SH3RF3: variants seen among roughly 807,000 people sequenced by gnomAD.
SH3RF3 encodes the protein SH3 domain containing ring finger 3.
SH3RF3 carries 29 observed loss-of-function variants against 66.3 expected under a neutral mutation model. The ratio of observed to expected loss-of-function variants is 0.44; its 90% CI spans 0.33 to 0.60. SH3RF3 has a LOEUF of 0.60. SH3RF3 is among the 20% of genes least tolerant of loss of function. The pLI, the probability that SH3RF3 is intolerant of heterozygous loss-of-function variation, is 0.04. For synonymous variants in SH3RF3, 583 were observed against 532.0 expected (o/e 1.10, Z -1.32); for missense variants, 1,194 against 1,190.9 (o/e 1.00, Z -0.04).
chr2:109,269,923 C>T (rs772041569), intron 1 of SH3RF3, among the ~76,000 whole-genome samples: 11 of 152,228 alleles, frequency 7.2e-5, no homozygotes, highest in African/African-American at 2.7e-4. Flanking sequence ...GAAAGCAAAA[C>T]GTAACTACTA....
At chr2:109,334,233 C>T (rs746711981) in intron 1 of SH3RF3, among the ~76,000 whole-genome samples, 1 of 151,890 alleles carries the variant, frequency 6.6e-6, no homozygotes, top group Non-Finnish European at 1.5e-5. Context: ...TGGCATGCAC[C>T]TGTAGTCTCA....
Position 109,336,106 on chromosome 2 carries a change from A to T in SH3RF3, c.574-11568A>T, listed in dbSNP as rs150625259. 5.7e-3 allele frequency among the ~76,000 whole-genome samples: 863 copies of T among 152,296 alleles called. 9 individuals are homozygous for T. Among genetic ancestry groups the T allele is most frequent in the African/African-American group, 0.02 (825 of 41,550 alleles). The stretch of plus-strand genomic sequence containing the variant: ...TTCAGGCAGGCCTAGTAAGCTCTTT[A>T]ATATTTTAGGAAGTTCAAAAATATT... On this transcript the variant is annotated intron_variant, in intron 1 of 9. Transcript: ENST00000309415.
intron 8 of SH3RF3, among the ~76,000 whole-genome samples, chr2:109,489,059 T>G (rs1284403291): frequency 5.9e-5 from 9 of 152,100 alleles, no homozygotes; most frequent in Non-Finnish European, 1.3e-4. Flanking sequence ...GGAAACACAT[T>G]GAGAAAAGTG....
At chr2:109,280,217 G>C (rs948579623) in intron 1 of SH3RF3, among the ~76,000 whole-genome samples, 25 of 152,340 alleles carry the variant, frequency 1.6e-4, no homozygotes, top group East Asian at 1.2e-3. Flanking sequence ...GTGGCACACA[G>C]AACACCTGGC....
intron 2 of SH3RF3, among the ~76,000 whole-genome samples, chr2:109,360,567 GA>G (rs1683033618): frequency 1.3e-5 from 2 of 152,260 alleles, no homozygotes; most frequent in South Asian, 4.1e-4. Context: ...TCCAAAATCT[GA>G]AAACATCTGA....
intron 8 of SH3RF3, among the ~76,000 whole-genome samples, chr2:109,463,465 C>T (rs776863522): frequency 6.6e-6 from 1 of 152,222 alleles, no homozygotes; most frequent in Non-Finnish European, 1.5e-5. Context: ...AGAAGTGTGA[C>T]TCCAGAGCTT....
intron 3 of SH3RF3, among the ~76,000 whole-genome samples, chr2:109,375,988 C>A (rs1200920003): frequency 6.6e-6 from 1 of 152,250 alleles, no homozygotes; most frequent in Admixed American, 6.5e-5. Context: ...CTCAGTTTCC[C>A]CCTTCAAACA....
At chr2:109,280,543 A>T (rs1165426755) in intron 1 of SH3RF3, among the ~76,000 whole-genome samples, 4 of 152,208 alleles carry the variant, frequency 2.6e-5, no homozygotes, top group African/African-American at 9.6e-5. Context: ...CAGTCCTAGC[A>T]GTCATTGAAA....
chr2:109,345,631 G>A (rs1322819258), intron 1 of SH3RF3, among the ~76,000 whole-genome samples: 1 of 152,086 alleles, frequency 6.6e-6, no homozygotes, highest in Non-Finnish European at 1.5e-5. Context: ...AAAACTGCTC[G>A]CCTTGATGGA....
intron 1 of SH3RF3, among the ~76,000 whole-genome samples, chr2:109,237,133 G>A (rs1679668396): frequency 6.6e-6 from 1 of 152,164 alleles, no homozygotes; most frequent in Non-Finnish European, 1.5e-5. Context: ...GAGGAAAGAT[G>A]TTCACGGAAT....
rs116595587 is a variant in SH3RF3, at chr2:109,227,225, A to T, written c.573+97112A>T. Among the ~76,000 whole-genome samples, 1,471 of 152,278 alleles carry T rather than the reference A, an allele frequency of 9.7e-3. 25 individuals are homozygous for T. The highest frequency in any genetic ancestry group is 0.033 in the African/African-American group (1,364 of 41,538). On this transcript the variant is annotated intron_variant, in intron 1 of 9. Coordinates refer to ENST00000309415, the MANE Select transcript of SH3RF3 (RefSeq NM_001099289.3). ...ATTGAGAGGATCCCACCCAGGCCTC[A>T]GGGGCTGAAAGTTGGGGGAAGGAGC...
chr2:109,136,603 G>C (rs1574468476), intron 1 of SH3RF3, among the ~76,000 whole-genome samples: 1 of 152,148 alleles, frequency 6.6e-6, no homozygotes, highest in Non-Finnish European at 1.5e-5. Flanking sequence ...AGGCCATTTA[G>C]AGCTGCAGCT....
At chr2:109,445,102 G>A (rs1419583263) in intron 7 of SH3RF3, among the ~76,000 whole-genome samples, 1 of 152,194 alleles carries the variant, frequency 6.6e-6, no homozygotes, top group Admixed American at 6.5e-5. Flanking sequence ...AGTGGAATTA[G>A]TGAAATTGGA....
chr2:109,409,697 C>T (rs923303086), intron 4 of SH3RF3, among the ~76,000 whole-genome samples: 3 of 152,026 alleles, frequency 2.0e-5, no homozygotes, highest in Admixed American at 6.5e-5. Context: ...CTGCCCTCCC[C>T]GAGAGGGAGA....
chr2:109,151,156 C>T (rs974946622), intron 1 of SH3RF3, among the ~76,000 whole-genome samples: 1 of 152,162 alleles, frequency 6.6e-6, no homozygotes, highest in Non-Finnish European at 1.5e-5. Flanking sequence ...TTGATGGGTT[C>T]TTGATTCACA....
intron 4 of SH3RF3, among the ~76,000 whole-genome samples, chr2:109,402,989 A>G (rs1444636620): frequency 6.6e-6 from 1 of 152,042 alleles, no homozygotes; most frequent in Non-Finnish European, 1.5e-5. Context: ...TGCAGTTGAT[A>G]CACAGTCAGG....
rs116449355 is a variant in SH3RF3 at position 109,271,203 on chromosome 2, C to T, written c.574-76471C>T. ...TGCTAATGAGCAAAACAAGGTTTGCCGGCTTGAAATGGAAAAGCAACAGGG... is the reference window on the plus strand; with the variant it reads ...TGCTAATGAGCAAAACAAGGTTTGCTGGCTTGAAATGGAAAAGCAACAGGG... On this transcript the variant is annotated intron_variant, in intron 1 of 9. Transcript: ENST00000309415. Among the ~76,000 whole-genome samples, 1,215 of 152,182 alleles carry T rather than the reference C, an allele frequency of 8.0e-3. 22 individuals carry two copies. Among genetic ancestry groups the T allele is most frequent in the African/African-American group, 0.028 (1,161 of 41,512 alleles).
chr2:109,494,838 A>AGG (rs1679219613), intron 9 of SH3RF3, among the ~76,000 whole-genome samples: 1 of 151,962 alleles, frequency 6.6e-6, no homozygotes, highest in Non-Finnish European at 1.5e-5. Flanking sequence ...CATCTCTTTC[A>AGG]AGACTCTGGA....
intron 4 of SH3RF3, among the ~76,000 whole-genome samples, chr2:109,412,878 A>C (rs1676631674): frequency 6.6e-6 from 1 of 152,242 alleles, no homozygotes. Context: ...GTCAGAAATT[A>C]GATAAGCCTT....
Sources: gnomAD v4.1 joint callset for allele counts (sites outside exome capture counted in the v4.1 genomes callset) on GRCh38, gnomAD v4.1.1 for gene constraint, MANE v1.5 for transcripts, NCBI Gene and HGNC (gene_info 2026-07-23, HGNC 2026-07-21) for gene names.